Variants in EPHB1 observed in about 807,000 individuals in gnomAD.
EPHB1 encodes EPH receptor B1.
EPHB1 carries 30 observed loss-of-function variants against 94.4 expected under a neutral mutation model. The observed-to-expected ratio is 0.32, with a 90% CI of 0.24 to 0.43. The LOEUF (loss-of-function observed/expected upper bound fraction) is 0.43. EPHB1 is among the 20% of genes least tolerant of loss of function. The pLI, the probability that EPHB1 is intolerant of heterozygous loss-of-function variation, is 1.00. For missense variants in EPHB1, 1,055 were observed against 1,308.3 expected, an observed-to-expected ratio of 0.81 and a Z score of 2.99; for synonymous variants, 522 against 489.1, an observed-to-expected ratio of 1.07 and a Z score of -0.89.
At chr3:135,020,126 C>T (rs796508014) in intron 3 of EPHB1, among the ~76,000 whole-genome samples, 3 of 152,296 alleles carry the variant, frequency 2.0e-5, no homozygotes, top group African/African-American at 7.2e-5. Context: ...TTCCAGCTTT[C>T]CAATGGTGTG....
intron 10 of EPHB1, among the ~76,000 whole-genome samples, chr3:135,187,656 TA>T (rs1942360322): frequency 6.6e-6 from 1 of 152,146 alleles, no homozygotes; most frequent in South Asian, 2.1e-4. Context: ...TATAAGGCTG[TA>T]GGTTGTGGTG....
At chr3:135,178,709 G>A (rs779011734) in intron 9 of EPHB1, among the ~76,000 whole-genome samples, 2 of 152,096 alleles carry the variant, frequency 1.3e-5, no homozygotes, top group African/African-American at 4.8e-5. Context: ...CTAAAATGGA[G>A]CTCATGAAAC....
At chr3:135,004,862 A>G (rs1284729838) in intron 3 of EPHB1, among the ~76,000 whole-genome samples, 1 of 151,922 alleles carries the variant, frequency 6.6e-6, no homozygotes, top group Non-Finnish European at 1.5e-5. Context: ...ATATTCTTCT[A>G]AATTTTTTTC....
intron 2 of EPHB1, among the ~76,000 whole-genome samples, chr3:134,929,670 G>A (rs2038866781): frequency 6.6e-6 from 1 of 152,142 alleles, no homozygotes; most frequent in African/African-American, 2.4e-5. Flanking sequence ...GTCTCAGTGA[G>A]GCTAAAGAAC....
At chr3:135,209,874 C>T (rs764102976) in intron 12 of EPHB1, among the ~76,000 whole-genome samples, 3 of 152,132 alleles carry the variant, frequency 2.0e-5, no homozygotes, top group Non-Finnish European at 2.9e-5. Context: ...CAGGAGGCTA[C>T]GGGGCAATGG....
chr3:135,025,198 A>AATAT (rs1936115835), intron 3 of EPHB1, among the ~76,000 whole-genome samples: 2 of 96,760 alleles, frequency 2.1e-5, no homozygotes, highest in South Asian at 7.7e-4. Flanking sequence ...GGTTACAAAG[A>AATAT]ATATTTATTT....
At chr3:135,108,041 A>G (rs1332616117) in intron 4 of EPHB1, among the ~76,000 whole-genome samples, 1 of 152,176 alleles carries the variant, frequency 6.6e-6, no homozygotes, top group Non-Finnish European at 1.5e-5. Context: ...GGATGTTCAG[A>G]CCAAAGACTA....
chr3:135,217,247 C>T (rs1243969729), intron 12 of EPHB1, among the ~76,000 whole-genome samples: 4 of 152,012 alleles, frequency 2.6e-5, no homozygotes, highest in Non-Finnish European at 4.4e-5. Flanking sequence ...GAGGGCAGTG[C>T]TGAGGATAGG....
intron 1 of EPHB1, among the ~76,000 whole-genome samples, chr3:134,860,593 T>A (rs933028971): frequency 3.9e-5 from 6 of 152,114 alleles, no homozygotes; most frequent in African/African-American, 1.4e-4. Context: ...GACGGGCAGA[T>A]CACGATGTCA....
intron 1 of EPHB1, among the ~76,000 whole-genome samples, chr3:134,826,025 A>T (rs1480841202): frequency 6.6e-6 from 1 of 150,614 alleles, no homozygotes; most frequent in Admixed American, 6.6e-5. Flanking sequence ...GTGGATCACG[A>T]GGTCAGGAGT....
intron 3 of EPHB1, among the ~76,000 whole-genome samples, chr3:135,021,948 G>A: frequency 6.6e-6 from 1 of 152,080 alleles, no homozygotes; most frequent in East Asian, 1.9e-4. Context: ...TTCAATTTTA[G>A]GATCAACCTT....
chr3:135,252,626 G>C (rs368924216), intron 15 of EPHB1, among the ~76,000 whole-genome samples: 2 of 144,186 alleles, frequency 1.4e-5, no homozygotes, highest in Non-Finnish European at 3.1e-5. Flanking sequence ...TGTTGGACAT[G>C]TGGGTTGGTT....
chr3:134,942,596 C>T (rs2039141272), intron 2 of EPHB1, among the ~76,000 whole-genome samples: 1 of 152,216 alleles, frequency 6.6e-6, no homozygotes, highest in African/African-American at 2.4e-5. Flanking sequence ...GGTTATTTAT[C>T]AGGAGGCATC....
At chr3:134,882,788 T>TTCTTTCTTTCTTTCTTTC (rs2037776258) in intron 1 of EPHB1, among the ~76,000 whole-genome samples, 2 of 69,098 alleles carry the variant, frequency 2.9e-5, no homozygotes, top group African/African-American at 9.5e-5. Context: ...CTTTCTTTCT[T>TTCTTTCTTTCTTTCTTTC]TCTTTCTTTC....
intron 3 of EPHB1, among the ~76,000 whole-genome samples, chr3:134,973,231 G>A (rs1439086919): frequency 6.6e-6 from 1 of 152,150 alleles, no homozygotes; most frequent in African/African-American, 2.4e-5. Context: ...TTCTCTGGCT[G>A]TGTTCACTGG....
intron 1 of EPHB1, among the ~76,000 whole-genome samples, chr3:134,805,930 TACC>T (rs1212886873): frequency 1.3e-5 from 2 of 152,146 alleles, no homozygotes; most frequent in Non-Finnish European, 1.5e-5. Context: ...TTTTGCTGGG[TACC>T]CCACAGCTCC....
At chr3:134,970,532 G>A (rs1371823794) in intron 3 of EPHB1, among the ~76,000 whole-genome samples, 1 of 152,178 alleles carries the variant, frequency 6.6e-6, no homozygotes, top group South Asian at 2.1e-4. Context: ...TTTATGATGT[G>A]TATTGTCTGT....
chr3:134,905,807 T>C (rs897600432), intron 1 of EPHB1, among the ~76,000 whole-genome samples: 4 of 152,212 alleles, frequency 2.6e-5, no homozygotes, highest in Non-Finnish European at 5.9e-5. Context: ...GACAGAGCCT[T>C]GCCGTTTCCC....
intron 1 of EPHB1, among the ~76,000 whole-genome samples, chr3:134,828,194 C>T (rs916726007): frequency 2.0e-5 from 3 of 152,212 alleles, no homozygotes; most frequent in Non-Finnish European, 2.9e-5. Flanking sequence ...GCAAAATTCA[C>T]GTGTTTGGCA....
Sources: gnomAD v4.1 joint callset for allele counts (sites outside exome capture counted in the v4.1 genomes callset) on GRCh38, gnomAD v4.1.1 for gene constraint, MANE v1.5 for transcripts, NCBI Gene and HGNC (gene_info 2026-07-23, HGNC 2026-07-21) for gene names.